The following OXNAD1 variants were observed in gnomAD, a reference collection of about 807,000 sequenced individuals.
OXNAD1 encodes the protein oxidoreductase NAD-binding domain-containing protein 1.
A neutral mutation model predicts 32.9 loss-of-function variants in OXNAD1; 34 were observed. That is an observed-to-expected ratio of 1.03 (90% CI 0.79 to 1.38). OXNAD1 has a LOEUF of 1.38. Among genes scored for constraint, OXNAD1 ranks in the 40% most tolerant of loss-of-function variants. OXNAD1 has a pLI of 0.00. For synonymous variants in OXNAD1, 134 were observed against 135.2 expected (o/e 0.99, Z 0.06); for missense variants, 407 against 379.4 (o/e 1.07, Z -0.60).
At position 16,287,574 on chromosome 3, in the gene OXNAD1, A is replaced by T. The variant is rs1335299388; in HGVS notation, c.290+1126A>T. On this transcript the variant is annotated intron_variant, in intron 5 of 8. Coordinates refer to ENST00000285083, the MANE Select transcript of OXNAD1 (RefSeq NM_138381.5). This position sits in a 1 kb window ranked among gnomAD's most constrained non-coding sequence, Gnocchi z 4.8. ...TTGAAAAGTGGAAACTTTAATTGTA[A>T]TGATCTGTTTTCCATATTTCCTTTC... 6.6e-6 allele frequency among the ~76,000 whole-genome samples: 1 copy of T among 152,214 alleles called. No individual in the cohort carries two copies. Among genetic ancestry groups the T allele is most frequent in the African/African-American group, 2.4e-5 (1 of 41,456 alleles).
rs188334660 is a variant in OXNAD1 at position 16,290,486 on chromosome 3, A to T, written c.290+4038A>T. 6.6e-6 allele frequency among the ~76,000 whole-genome samples: 1 copy of T among 152,316 alleles called. No homozygotes were observed. Among genetic ancestry groups the T allele is most frequent in the East Asian group, 1.9e-4 (1 of 5,192 alleles). On this transcript the variant is annotated intron_variant, in intron 5 of 8. Transcript: ENST00000285083. This position sits in a 1 kb window ranked among gnomAD's most constrained non-coding sequence, Gnocchi z 4.2. ...AACTGAGAGAATGGCCTTCATCAGC[A>T]TTGAGCAGCAGAGGGCACTGTAGTT...
In OXNAD1 at chr3:16,284,502, C is replaced by T. The variant is rs1011985455; in HGVS notation, c.184-1840C>T. 2.0e-5 allele frequency among the ~76,000 whole-genome samples: 3 copies of T among 152,096 alleles called. No individual in the cohort carries two copies. Among genetic ancestry groups the T allele is most frequent in the Non-Finnish European group, 4.4e-5 (3 of 68,016 alleles). On this transcript the variant is annotated intron_variant, in intron 4 of 8. Transcript: ENST00000285083. The surrounding 1 kb of genome is among the most constrained non-coding windows in gnomAD (Gnocchi z 4.1). ...ATGTTACTGTACTGAATATTTCAGGCGTTTGTAACACAATATTTGTGTGTC... is the reference window on the plus strand; with the variant it reads ...ATGTTACTGTACTGAATATTTCAGGTGTTTGTAACACAATATTTGTGTGTC...
chr3:16,278,557 C>G (rs2065514710), intron 4 of OXNAD1, among the ~76,000 whole-genome samples: 1 of 152,234 alleles, frequency 6.6e-6, no homozygotes, highest in African/African-American at 2.4e-5. Context: ...CACTTTCACT[C>G]TCAAAATTAT....
rs1491500683 is a variant in OXNAD1 at position 16,345,836 on chromosome 3, A to ACGCGCG, written c.*31-3335_*31-3334insGCGCGC. Among the ~76,000 whole-genome samples, 1 of 63,588 alleles carries ACGCGCG rather than the reference A, an allele frequency of 1.6e-5. No homozygotes were observed. Among genetic ancestry groups the ACGCGCG allele is most frequent in the African/African-American group, 4.3e-5 (1 of 23,486 alleles). The allele number at this position is 63,588 out of a possible 152,430, so 41.7% of individuals were successfully genotyped here. A position where few individuals can be genotyped will look rare whatever the true frequency, so the allele number is the denominator to read the frequency against. On this transcript the variant is annotated intron_variant, in intron 9 of 9. Coordinates refer to the OXNAD1 transcript ENST00000606098. The surrounding 1 kb of genome is among the most constrained non-coding windows in gnomAD (Gnocchi z 5.2). ...TGTGTGTGCGCGCGCGCGTGCGCGC[A>ACGCGCG]CGCGCACATGTGCATGTGTATGTGT... is the stretch of plus-strand genomic sequence containing the variant.
chr3:16,338,457 G>A (rs1039707525), downstream of OXNAD1, among the ~76,000 whole-genome samples: 2 of 152,254 alleles, frequency 1.3e-5, no homozygotes, highest in East Asian at 3.8e-4. The surrounding 1 kb of genome is among the most constrained non-coding windows in gnomAD (Gnocchi z 5.3). Flanking sequence ...TCGGGACCAC[G>A]TATGCAATAG....
At chr3:16,319,007 G>T (rs2068740246) in intron 9 of OXNAD1, among the ~76,000 whole-genome samples, 1 of 152,192 alleles carries the variant, frequency 6.6e-6, no homozygotes, top group Non-Finnish European at 1.5e-5. Context: ...TTAGCCCTCA[G>T]CATGACCGTG....
At chr3:16,272,434 C>A in intron 4 of OXNAD1, 1 of 99,894 alleles carries the variant, frequency 1.0e-5, no homozygotes, top group Admixed American at 1.1e-4. Flanking sequence ...TATATGTAAG[C>A]TAACAATAAA....
chr3:16,310,104 T>TTACCGTTA (rs1220411468), downstream of OXNAD1, among the ~76,000 whole-genome samples: 1 of 152,240 alleles, frequency 6.6e-6, no homozygotes, highest in Non-Finnish European at 1.5e-5. Flanking sequence ...AATAGTGGAA[T>TTACCGTTA]TACCGTTAGT....
rs2070023536 is a variant in OXNAD1, at chr3:16,329,050, A to AG, written c.*31-8060dup. Among the ~76,000 whole-genome samples the AG allele has an allele frequency of 6.6e-6, 1 of 152,240 alleles. No homozygotes were observed. The highest frequency in any genetic ancestry group is 1.5e-5 in the Non-Finnish European group (1 of 68,044). On this transcript the variant is annotated intron_variant, in intron 9 of 9. Coordinates refer to the OXNAD1 transcript ENST00000435829. The surrounding 1 kb of genome is among the most constrained non-coding windows in gnomAD (Gnocchi z 4.5). ...CCCAATGCAATGACATTGAATGGTG[A>AG]GGCCTGGTGGGAGTGTTTAGGTCAG...
At chr3:16,282,347 C>G (rs1413470334) in intron 4 of OXNAD1, among the ~76,000 whole-genome samples, 8 of 142,750 alleles carry the variant, frequency 5.6e-5, no homozygotes, top group Non-Finnish European at 1.2e-4. Flanking sequence ...GTAGTGTTCT[C>G]TTCCCCTATC....
rs1433658672 is a variant in OXNAD1 at position 16,346,913 on chromosome 3, G to C, written c.*31-2263G>C. On this transcript the variant is annotated intron_variant, in intron 9 of 9. Coordinates refer to the OXNAD1 transcript ENST00000606098. The surrounding 1 kb of genome is among the most constrained non-coding windows in gnomAD (Gnocchi z 4.4). ...GCATCTTTAAGCTGTTGACAAAGCT[G>C]ACTCTGCAACCTCCCCACCTTGCTC... Among the ~76,000 whole-genome samples the C allele has an allele frequency of 2.0e-5, 3 of 152,148 alleles. No homozygotes were observed. Among genetic ancestry groups the C allele is most frequent in the African/African-American group, 7.2e-5 (3 of 41,408 alleles).
intron 9 of OXNAD1, chr3:16,326,767 T>C (rs750914402): frequency 3.1e-6 from 5 of 1,608,252 alleles, no homozygotes; most frequent in African/African-American, 1.3e-5. Flanking sequence ...TTACTGTTAT[T>C]GTTACCTGGT....
chr3:16,318,507 G>A (rs2068683749), intron 9 of OXNAD1, among the ~76,000 whole-genome samples: 1 of 152,168 alleles, frequency 6.6e-6, no homozygotes, highest in South Asian at 2.1e-4. Context: ...AATGTGCTAT[G>A]TAAATGTTTA....
At position 16,312,972 on chromosome 3, in the gene OXNAD1, G is replaced by A. The variant is rs750684794; in HGVS notation, c.*30+9380G>A. On this transcript the variant is annotated intron_variant, in intron 9 of 9. Transcript: ENST00000435829. This position sits in a 1 kb window ranked among gnomAD's most constrained non-coding sequence, Gnocchi z 4.7. Reference sequence around the variant, plus strand: ...TTTCTGTTAAGATGGGATATACTACGCTTCAGTAGCCAATAAATCTCAAAA... The same window carrying A: ...TTTCTGTTAAGATGGGATATACTACACTTCAGTAGCCAATAAATCTCAAAA... Among the ~76,000 whole-genome samples the A allele has an allele frequency of 3.9e-4, 59 of 151,866 alleles. No individual in the cohort carries two copies. Among genetic ancestry groups the A allele is most frequent in the Non-Finnish European group, 5.7e-4 (39 of 67,994 alleles).
chr3:16,272,334 A>C (rs1032605637), intron 4 of OXNAD1: 1 of 236,504 alleles, frequency 4.2e-6, no homozygotes, highest in South Asian at 4.5e-5. Context: ...GAGTAACCCC[A>C]TTTTTGTTTA....
At chr3:16,268,213 A>C (rs1200443579) in intron 1 of OXNAD1, among the ~76,000 whole-genome samples, 2 of 151,992 alleles carry the variant, frequency 1.3e-5, no homozygotes, top group Admixed American at 6.6e-5. Flanking sequence ...AAAGCACTTT[A>C]AACAGAATTT....
chr3:16,282,309 T>C (rs984532232), intron 4 of OXNAD1, among the ~76,000 whole-genome samples: 7 of 151,572 alleles, frequency 4.6e-5, no homozygotes, highest in African/African-American at 1.7e-4. Context: ...AACTCTCCCA[T>C]ACTTTTAAAC....
At chr3:16,291,964 A>C (rs928604638) in intron 5 of OXNAD1, among the ~76,000 whole-genome samples, 1 of 152,136 alleles carries the variant, frequency 6.6e-6, no homozygotes. Flanking sequence ...TTTGACTTAC[A>C]TTGCCCTAAT....
At chr3:16,300,781 A>AGT (rs2067124397) in intron 6 of OXNAD1, among the ~76,000 whole-genome samples, 1 of 152,232 alleles carries the variant, frequency 6.6e-6, no homozygotes, top group Non-Finnish European at 1.5e-5. Flanking sequence ...CCACCAGCTT[A>AGT]GTAGGAGCCA....
Sources: gnomAD v4.1 joint callset for allele counts (sites outside exome capture counted in the v4.1 genomes callset) on GRCh38, gnomAD v4.1.1 for gene constraint, Gnocchi (gnomAD v3.1) non-coding constraint, MANE v1.5 for transcripts, NCBI Gene and HGNC (gene_info 2026-07-23, HGNC 2026-07-21) for gene names.